Variants in ADK observed in about 807,000 individuals in gnomAD.
ADK encodes the protein N6,N6-dimethyladenosine kinase.
Under a neutral mutation model 44.7 loss-of-function variants are expected in ADK, and 24 were observed. The ratio of observed to expected loss-of-function variants is 0.54; its 90% confidence interval spans 0.39 to 0.76. The LOEUF is 0.76. Among genes scored for constraint, ADK ranks in the 30% least tolerant of loss-of-function variants. The pLI, the probability that ADK is intolerant of heterozygous loss-of-function variation, is 0.00. For missense variants in ADK, 321 were observed against 425.1 expected (o/e 0.76, Z 2.15); for synonymous variants, 128 against 142.6 (o/e 0.90, Z 0.73).
intron 9 of ADK, among the ~76,000 whole-genome samples, chr10:74,632,178 G>A (rs1853456704): frequency 6.6e-6 from 1 of 152,048 alleles, no homozygotes; most frequent in Non-Finnish European, 1.5e-5. Context: ...TGCCTTTTCT[G>A]GAAATTGCAT....
At chr10:74,552,626 G>C (rs529700811) in intron 7 of ADK, among the ~76,000 whole-genome samples, 37 of 150,112 alleles carry the variant, frequency 2.5e-4, no homozygotes, top group African/African-American at 9.1e-4. Context: ...TTTTTTTAAG[G>C]ATACCATTAA....
At chr10:74,506,597 C>CA (rs1474802263) in intron 6 of ADK, 1 of 152,442 alleles carries the variant, frequency 6.6e-6, no homozygotes, top group Admixed American at 6.5e-5. Context: ...GAGCTCACTG[C>CA]AAAAGCAACA....
At chr10:74,361,205 A>G (rs1239590342) in intron 4 of ADK, among the ~76,000 whole-genome samples, 1 of 152,194 alleles carries the variant, frequency 6.6e-6, no homozygotes, top group African/African-American at 2.4e-5. Context: ...CGCCCGGCCT[A>G]TCCTGTGTCT....
At chr10:74,449,718 T>G (rs2133180334) in intron 6 of ADK, among the ~76,000 whole-genome samples, 1 of 152,320 alleles carries the variant, frequency 6.6e-6, no homozygotes, top group East Asian at 1.9e-4. Flanking sequence ...ACATGGATGA[T>G]GCATATGCTT....
At chr10:74,693,895 TACTA>T (rs994958625) in intron 10 of ADK, among the ~76,000 whole-genome samples, 2 of 152,186 alleles carry the variant, frequency 1.3e-5, no homozygotes, top group African/African-American at 2.4e-5. Flanking sequence ...TGGCTACAAT[TACTA>T]ACTCACTCCA....
intron 4 of ADK, among the ~76,000 whole-genome samples, chr10:74,323,439 A>G (rs1840886341): frequency 6.6e-6 from 1 of 152,220 alleles, no homozygotes; most frequent in South Asian, 2.1e-4. Flanking sequence ...TTCTTTAAGC[A>G]ACTTTATTGG....
At chr10:74,608,119 T>C (rs1852400550) in intron 9 of ADK, among the ~76,000 whole-genome samples, 1 of 151,984 alleles carries the variant, frequency 6.6e-6, no homozygotes, top group African/African-American at 2.4e-5. Context: ...TTATTCTAGT[T>C]AGCAATTCCT....
intron 3 of ADK, among the ~76,000 whole-genome samples, chr10:74,278,622 T>A (rs1385822033): frequency 6.6e-6 from 1 of 152,206 alleles, no homozygotes; most frequent in Non-Finnish European, 1.5e-5. Flanking sequence ...TTTCTTTTGG[T>A]CAACATTTGA....
chr10:74,552,388 G>T (rs952010399), intron 7 of ADK, among the ~76,000 whole-genome samples: 4 of 152,104 alleles, frequency 2.6e-5, no homozygotes, highest in Non-Finnish European at 5.9e-5. Flanking sequence ...TTTCAAAAGG[G>T]TTTGTTAATT....
Position 74,686,835 on chromosome 10 carries a change from G to A in ADK, c.964+16566G>A, listed in dbSNP as rs561730161. On this transcript the variant is annotated intron_variant, in intron 10 of 10. Coordinates refer to ENST00000539909, the MANE Select transcript of ADK (RefSeq NM_006721.4). Reference sequence around the variant, plus strand: ...GGCGACTACAGGTGTGCGCCACCACGCCCGGCTAATTTTTTGTATTTTAGT... The same window carrying A: ...GGCGACTACAGGTGTGCGCCACCACACCCGGCTAATTTTTTGTATTTTAGT... 7.2e-5 allele frequency among the ~76,000 whole-genome samples: 11 copies of A among 151,920 alleles called. No individual in the cohort carries two copies. The East Asian group carries it at 1.4e-3, about 19-fold the overall frequency.
intron 2 of ADK, among the ~76,000 whole-genome samples, chr10:74,203,322 C>T (rs1352173086): frequency 6.6e-6 from 1 of 151,184 alleles, no homozygotes; most frequent in Non-Finnish European, 1.5e-5. Context: ...GTCCTTATGC[C>T]AGTATGACAT....
chr10:74,303,006 G>A (rs1458627547), intron 3 of ADK, among the ~76,000 whole-genome samples: 2 of 152,112 alleles, frequency 1.3e-5, no homozygotes, highest in East Asian at 1.9e-4. Context: ...AAATGATATT[G>A]TTATGAAACA....
chr10:74,594,562 G>A (rs917358850), intron 8 of ADK, among the ~76,000 whole-genome samples: 5 of 151,076 alleles, frequency 3.3e-5, no homozygotes, highest in African/African-American at 1.2e-4. Flanking sequence ...TTAATCTGGA[G>A]TAAATAATAT....
chr10:74,484,774 T>C (rs1194426708), intron 6 of ADK, among the ~76,000 whole-genome samples: 1 of 152,192 alleles, frequency 6.6e-6, no homozygotes, highest in African/African-American at 2.4e-5. Flanking sequence ...CAGAGACAGA[T>C]GCCTTCATTT....
chr10:74,342,524 G>A (rs764922546), intron 4 of ADK, among the ~76,000 whole-genome samples: 11 of 152,108 alleles, frequency 7.2e-5, no homozygotes, highest in Non-Finnish European at 1.3e-4. Flanking sequence ...CCAGGCTGAA[G>A]TGCAGTGGCA....
intron 4 of ADK, among the ~76,000 whole-genome samples, chr10:74,370,519 T>G (rs1464701135): frequency 6.6e-6 from 1 of 152,200 alleles, no homozygotes; most frequent in Non-Finnish European, 1.5e-5. Context: ...GCTTTCCTTG[T>G]TAAATACATT....
At chr10:74,369,086 G>A (rs1842581970) in intron 4 of ADK, among the ~76,000 whole-genome samples, 1 of 152,178 alleles carries the variant, frequency 6.6e-6, no homozygotes, top group Admixed American at 6.5e-5. Context: ...TTGGCATGGT[G>A]GAGCATGCCT....
At chr10:74,699,178 A>T (rs1283628221) in intron 10 of ADK, among the ~76,000 whole-genome samples, 1 of 145,238 alleles carries the variant, frequency 6.9e-6, no homozygotes, top group Non-Finnish European at 1.5e-5. Context: ...TAATACCTGC[A>T]AGCCACATTT....
chr10:74,436,655 T>A (rs1338817803), intron 6 of ADK, among the ~76,000 whole-genome samples: 1 of 152,126 alleles, frequency 6.6e-6, no homozygotes, highest in Non-Finnish European at 1.5e-5. Flanking sequence ...AACTAATTGG[T>A]GAAAAGATAG....
Sources: allele counts gnomAD v4.1 joint callset (sites outside exome capture counted in the v4.1 genomes callset), GRCh38; gene constraint gnomAD v4.1.1; transcripts MANE v1.5; gene names NCBI Gene and HGNC (gene_info 2026-07-23, HGNC 2026-07-21).